The following KCNIP4 variants were observed in gnomAD, a reference collection of about 807,000 sequenced individuals.
KCNIP4 encodes the protein Kv channel-interacting protein 4.
A neutral mutation model predicts 34.0 loss-of-function variants in KCNIP4; 12 were observed. The ratio of observed to expected loss-of-function variants is 0.35; its 90% CI spans 0.23 to 0.57. The LOEUF (loss-of-function observed/expected upper bound fraction) is 0.57. KCNIP4 is among the 20% of genes least tolerant of loss of function. The pLI is 0.83. For synonymous variants in KCNIP4, 124 were observed against 102.2 expected (o/e 1.21, Z -1.29); for missense variants, 238 against 311.7 (o/e 0.76, Z 1.78).
intron 3 of KCNIP4, among the ~76,000 whole-genome samples, chr4:20,773,234 A>G (rs1756070646): frequency 1.3e-5 from 2 of 152,122 alleles, no homozygotes; most frequent in African/African-American, 4.8e-5. Context: ...TCACTCATTT[A>G]TGCAGGACGT....
At chr4:21,078,831 C>G (rs552259744) in intron 1 of KCNIP4, among the ~76,000 whole-genome samples, 1 of 152,076 alleles carries the variant, frequency 6.6e-6, no homozygotes, top group South Asian at 2.1e-4. Flanking sequence ...TTCTCTTGTC[C>G]CTGTACTCAC....
intron 2 of KCNIP4, among the ~76,000 whole-genome samples, chr4:20,864,254 GCACA>G (rs974679103): frequency 6.7e-6 from 1 of 149,734 alleles, no homozygotes; most frequent in African/African-American, 2.5e-5. Flanking sequence ...ATGTATATAT[GCACA>G]CATATGTATG....
intron 1 of KCNIP4, among the ~76,000 whole-genome samples, chr4:21,749,761 C>G (rs1717026904): frequency 6.6e-6 from 1 of 152,132 alleles, no homozygotes; most frequent in Non-Finnish European, 1.5e-5. Context: ...GTAGAAAGAA[C>G]AGCAGGGCAT....
chr4:20,775,358 A>G lies in KCNIP4; in HGVS notation c.289-16468T>C, dbSNP rs114725545. Reference sequence around the variant, plus strand: ...AAATAACTCAAGATTATGAACTTGTATGTAGGAGTTACTTCTGCATGTTTC... The same window carrying G: ...AAATAACTCAAGATTATGAACTTGTGTGTAGGAGTTACTTCTGCATGTTTC... On this transcript the variant is annotated intron_variant, in intron 3 of 8. Transcript: ENST00000382152. 2.9e-3 allele frequency among the ~76,000 whole-genome samples: 439 copies of G among 152,252 alleles called. 1 individual carries two copies. Among genetic ancestry groups the G allele is most frequent in the African/African-American group, 0.01 (425 of 41,566 alleles).
chr4:21,173,737 C>A (rs1290646254), intron 1 of KCNIP4, among the ~76,000 whole-genome samples: 2 of 152,170 alleles, frequency 1.3e-5, no homozygotes, highest in Non-Finnish European at 2.9e-5. Context: ...GTGGACCCCA[C>A]CTGCTAAATC....
At chr4:21,397,379 T>G (rs908815135) in intron 1 of KCNIP4, among the ~76,000 whole-genome samples, 3 of 152,182 alleles carry the variant, frequency 2.0e-5, no homozygotes, top group African/African-American at 7.2e-5. Flanking sequence ...AATAATATCA[T>G]CACATTTATC....
chr4:21,775,020 G>C (rs1039587751), intron 1 of KCNIP4, among the ~76,000 whole-genome samples: 4 of 152,126 alleles, frequency 2.6e-5, no homozygotes, highest in African/African-American at 9.7e-5. Context: ...TGGAGGAGAG[G>C]AGCCATTTTG....
intron 1 of KCNIP4, among the ~76,000 whole-genome samples, chr4:21,939,230 CA>C (rs928613135): frequency 2.0e-5 from 3 of 152,092 alleles, no homozygotes; most frequent in Non-Finnish European, 4.4e-5. Context: ...CAACAATTTT[CA>C]AAGTACTTTT....
chr4:20,942,664 T>A (rs1310863147), intron 1 of KCNIP4, among the ~76,000 whole-genome samples: 1 of 151,104 alleles, frequency 6.6e-6, no homozygotes, highest in East Asian at 1.9e-4. Context: ...TTCCTTCTTT[T>A]ATTTTTATTT....
In KCNIP4 at chr4:20,882,668, C is replaced by A. The variant is rs1266248117; in HGVS notation, c.103G>T (p.Glu35Ter). Residue 35 changes from glutamate to a stop codon, truncating the protein, a stop_gained, in exon 2 of 9, where the codon GAG (glutamate) becomes TAG (stop). Transcript: ENST00000382152. LOFTEE classifies it high-confidence loss of function. The part of the protein sequence containing the change: ...AQNSTKRSIK[E>*]RLMKLLPCSA... ...CAGGGCAAGAGCTTCATGAGCCGCT[C>A]TTTAATGCTGCGCTTGGTGCTGTTC... The A allele has an allele frequency of 6.2e-7, 1 of 1,613,442 alleles. No individual in the cohort carries two copies. Among genetic ancestry groups the A allele is most frequent in the Non-Finnish European group, 8.5e-7 (1 of 1,179,872 alleles).
chr4:21,302,699 C>A (rs960302334), intron 1 of KCNIP4, among the ~76,000 whole-genome samples: 4 of 152,098 alleles, frequency 2.6e-5, no homozygotes, highest in African/African-American at 9.7e-5. Context: ...CCATCCCCCG[C>A]CTCCTGCGCC....
chr4:21,226,349 GGAAGA>G (rs907391904), intron 1 of KCNIP4, among the ~76,000 whole-genome samples: 2 of 124,138 alleles, frequency 1.6e-5, no homozygotes, highest in South Asian at 2.9e-4. Context: ...AGGAAGAGAA[GGAAGA>G]GAAGGAAGGA....
At chr4:21,339,584 T>C (rs1716534387) in intron 1 of KCNIP4, among the ~76,000 whole-genome samples, 1 of 152,044 alleles carries the variant, frequency 6.6e-6, no homozygotes, top group African/African-American at 2.4e-5. Context: ...GAAGTGGGGA[T>C]AAATAGAAAG....
chr4:20,811,527 G>A (rs1008551997), intron 3 of KCNIP4, among the ~76,000 whole-genome samples: 8 of 151,920 alleles, frequency 5.3e-5, no homozygotes, highest in South Asian at 2.1e-4. Context: ...GCGCGCGCAC[G>A]CGTGCACGCC....
intron 1 of KCNIP4, among the ~76,000 whole-genome samples, chr4:21,901,469 T>C (rs2108968481): frequency 6.6e-6 from 1 of 152,306 alleles, no homozygotes; most frequent in East Asian, 1.9e-4. Flanking sequence ...TATTAAACAA[T>C]ATCTATTGTG....
chr4:21,319,977 TTG>T (rs1484197602), intron 1 of KCNIP4, among the ~76,000 whole-genome samples: 2 of 152,224 alleles, frequency 1.3e-5, no homozygotes, highest in Non-Finnish European at 2.9e-5. Flanking sequence ...TTATATTTAT[TTG>T]TGTTTTTCTA....
At chr4:21,239,730 G>T (rs1300448881) in intron 1 of KCNIP4, among the ~76,000 whole-genome samples, 2 of 152,168 alleles carry the variant, frequency 1.3e-5, no homozygotes, top group Admixed American at 6.5e-5. Context: ...AACAACAGGT[G>T]CTGGAGAGGA....
At chr4:21,179,092 C>T (rs996025951) in intron 1 of KCNIP4, among the ~76,000 whole-genome samples, 17 of 152,184 alleles carry the variant, frequency 1.1e-4, no homozygotes, top group African/African-American at 4.1e-4. Flanking sequence ...GCTGTGATTA[C>T]AGGCGTGAGC....
At chr4:21,475,162 A>G (rs1330855923) in intron 1 of KCNIP4, among the ~76,000 whole-genome samples, 5 of 152,176 alleles carry the variant, frequency 3.3e-5, no homozygotes, top group African/African-American at 1.2e-4. Context: ...AGGCCAATAT[A>G]TTCTTTCTAA....
Sources: gnomAD v4.1 joint callset for allele counts (sites outside exome capture counted in the v4.1 genomes callset) on GRCh38, gnomAD v4.1.1 for gene constraint, MANE v1.5 for transcripts, NCBI Gene and HGNC (gene_info 2026-07-23, HGNC 2026-07-21) for gene names.